Variants in TXNL4A observed in about 807,000 individuals in gnomAD.
TXNL4A encodes the protein thioredoxin-like protein 4A.
In TXNL4A, 17 loss-of-function variants were observed where a neutral mutation model predicts 14.6. That is an observed-to-expected ratio of 1.16 (90% CI 0.80 to 1.74). TXNL4A has a LOEUF of 1.74. Ranked by LOEUF, TXNL4A falls within the 40% of genes most tolerant of loss-of-function variation. The pLI is 0.00. For synonymous variants in TXNL4A, 83 were observed against 70.6 expected (o/e 1.18, Z -0.88); for missense variants, 74 against 195.2 (o/e 0.38, Z 3.70).
intron 1 of TXNL4A, among the ~76,000 whole-genome samples, chr18:80,008,282 G>T (rs1599745601): frequency 1.3e-5 from 2 of 152,190 alleles, no homozygotes; most frequent in Admixed American, 1.3e-4. Context: ...GTTATGGTCT[G>T]CTCTTTAAGT....
upstream of TXNL4A, among the ~76,000 whole-genome samples, chr18:79,989,988 T>A (rs978768309): frequency 6.6e-6 from 1 of 152,160 alleles, no homozygotes; most frequent in Non-Finnish European, 1.5e-5. Flanking sequence ...AGAGTGAGAC[T>A]CCATCTCAAA....
intron 1 of TXNL4A, among the ~76,000 whole-genome samples, chr18:80,022,179 T>C (rs1198516465): frequency 6.6e-6 from 1 of 152,168 alleles, no homozygotes; most frequent in Non-Finnish European, 1.5e-5. Flanking sequence ...AGTAGCACCA[T>C]TGGGCATTTC....
At chr18:80,002,244 C>T (rs896783507) in intron 1 of TXNL4A, among the ~76,000 whole-genome samples, 2 of 152,164 alleles carry the variant, frequency 1.3e-5, no homozygotes, top group African/African-American at 4.8e-5. Context: ...CAATCCTGAA[C>T]CAGCAAACAG....
chr18:79,975,897 C>G (rs558395063), intron 2 of TXNL4A, among the ~76,000 whole-genome samples: 3 of 152,272 alleles, frequency 2.0e-5, no homozygotes, highest in South Asian at 4.2e-4. Flanking sequence ...GGAATAAATT[C>G]TTTAGCCTCT....
chr18:79,988,261 G>A lies in TXNL4A; in HGVS notation c.132C>T (p.Val44=), dbSNP rs370118188. The A allele has an allele frequency of 1.0e-5, 16 of 1,599,702 alleles. No individual in the cohort carries two copies. In the African/African-American group the frequency reaches 1.7e-4, roughly 17 times the overall value. ...WDPTCMKMDE[V]LYSIAEKVKN... ...CTACCTTCTCGGCGATGCTGTACAG[G>A]ACCTCGTCCATCTTCATGCACGTAG... Residue 44 remains valine, a synonymous_variant, in exon 1 of 3, where the codon GTC becomes GTT. Transcript: ENST00000269601.
rs114167895 is a variant in TXNL4A at position 79,982,008 on chromosome 18, C to T, written c.154-4307G>A. Among the ~76,000 whole-genome samples the T allele has an allele frequency of 1.0e-3, 157 of 152,320 alleles. No homozygotes were observed. The highest frequency in any genetic ancestry group is 3.0e-3 in the African/African-American group (125 of 41,566). On this transcript the variant is annotated intron_variant, in intron 1 of 2. Transcript: ENST00000269601. This position sits in a 1 kb window ranked among gnomAD's most constrained non-coding sequence, Gnocchi z 4.0. ...AAAGGTCACGTGAGTGATGCCCAGC[C>T]GCACGGGGAAGGGGCAGAGCTGAGA...
At chr18:80,032,209 C>T (rs1363451303) in intron 1 of TXNL4A, among the ~76,000 whole-genome samples, 1 of 151,934 alleles carries the variant, frequency 6.6e-6, no homozygotes, top group East Asian at 1.9e-4. Flanking sequence ...TTCCTCGTGA[C>T]GGAGGACTTG....
At chr18:80,033,628 T>A (rs551966768) in intron 1 of TXNL4A, among the ~76,000 whole-genome samples, 193 of 152,370 alleles carry the variant, frequency 1.3e-3, no homozygotes, top group African/African-American at 4.4e-3. Context: ...GATGCCTTCG[T>A]TGCTTTGTGC....
At chr18:79,987,186 T>C (rs115620316) in intron 1 of TXNL4A, among the ~76,000 whole-genome samples, 290 of 152,350 alleles carry the variant, frequency 1.9e-3, no homozygotes, top group African/African-American at 6.8e-3. Context: ...CACAGATGCA[T>C]TCTAGTAAGC....
rs1681197187 is a variant in TXNL4A, at chr18:79,993,998, T to C, written c.-60-16297A>G. 6.6e-6 allele frequency among the ~76,000 whole-genome samples: 1 copy of C among 152,152 alleles called. No individual in the cohort carries two copies. Among genetic ancestry groups the C allele is most frequent in the South Asian group, 2.1e-4 (1 of 4,828 alleles). On this transcript the variant is annotated intron_variant, in intron 1 of 2. Coordinates refer to the TXNL4A transcript ENST00000585474. The surrounding 1 kb of genome is among the most constrained non-coding windows in gnomAD (Gnocchi z 4.4). ...AGCCAGGTCCCCAGGCAGCACACTT[T>C]GGGTCTCACACACATCCCAACTTGG...
At chr18:79,988,672 GGTGGAGCGGCGGCGACCTGGGCACC>G (rs1250399037), upstream of TXNL4A, 48 of 268,508 alleles carry the variant, frequency 1.8e-4, no homozygotes, top group East Asian at 4.5e-4. Context: ...TAGTTGGCCG[GGTGGAGCGGCGGCGACCTGGGCACC>G]GTGGAGCGCC....
intron 1 of TXNL4A, among the ~76,000 whole-genome samples, chr18:79,978,342 A>G (rs1223579800): frequency 6.6e-6 from 1 of 152,194 alleles, no homozygotes; most frequent in Non-Finnish European, 1.5e-5. Context: ...AGGTCTGAAC[A>G]CTTGCAAATA....
chr18:80,027,433 CA>C (rs1233010687), intron 1 of TXNL4A, among the ~76,000 whole-genome samples: 13 of 152,150 alleles, frequency 8.5e-5, no homozygotes, highest in Non-Finnish European at 8.8e-5. Context: ...CATATCCTAT[CA>C]GCTACACCCA....
At chr18:79,990,080 T>A (rs899576345), upstream of TXNL4A, among the ~76,000 whole-genome samples, 1 of 152,234 alleles carries the variant, frequency 6.6e-6, no homozygotes, top group Non-Finnish European at 1.5e-5. Flanking sequence ...CTGAAGAGCC[T>A]GCTGGCATGG....
In TXNL4A at chr18:79,972,644, T is replaced by C. The variant is rs1404901466; in HGVS notation, c.*1041A>G. On this transcript the variant is annotated 3_prime_UTR_variant, in exon 3 of 3. Coordinates refer to ENST00000269601, the MANE Select transcript of TXNL4A (RefSeq NM_006701.5). ...CATGCCCAGCTAATTTTTGTATTTTTAGTAGAGACGGGATTTCACCATGTT... is the reference window on the plus strand; with the variant it reads ...CATGCCCAGCTAATTTTTGTATTTTCAGTAGAGACGGGATTTCACCATGTT... 1 of 152,158 alleles carries C rather than the reference T, an allele frequency of 6.6e-6. No homozygotes were observed. The highest frequency in any genetic ancestry group is 6.6e-5 in the Admixed American group (1 of 15,264). The allele number at this position is 152,158 out of a possible 1,614,324, so 9.4% of individuals were successfully genotyped here.
chr18:80,021,916 T>C (rs779781956), intron 1 of TXNL4A, among the ~76,000 whole-genome samples: 5 of 152,250 alleles, frequency 3.3e-5, no homozygotes, highest in African/African-American at 9.6e-5. Context: ...TGGGTTAACA[T>C]TGGTTTTTAA....
At chr18:80,020,190 AT>A (rs1483627920) in intron 1 of TXNL4A, among the ~76,000 whole-genome samples, 1 of 151,776 alleles carries the variant, frequency 6.6e-6, no homozygotes, top group African/African-American at 2.4e-5. Context: ...TCCTCCTCCT[AT>A]TTCCTTGAGG....
chr18:79,991,599 A>G (rs2051628776), upstream of TXNL4A, among the ~76,000 whole-genome samples: 1 of 152,236 alleles, frequency 6.6e-6, no homozygotes, highest in African/African-American at 2.4e-5. Flanking sequence ...TAATGCTGCT[A>G]TGAACATTCA....
At chr18:79,980,209 T>C (rs547810459) in intron 1 of TXNL4A, among the ~76,000 whole-genome samples, 8 of 152,272 alleles carry the variant, frequency 5.3e-5, no homozygotes, top group Admixed American at 5.2e-4. Context: ...GCATGAGGAC[T>C]CTCCTTGGCA....
Sources: allele counts gnomAD v4.1 joint callset (sites outside exome capture counted in the v4.1 genomes callset), GRCh38; gene constraint gnomAD v4.1.1; non-coding constraint Gnocchi (gnomAD v3.1); transcripts MANE v1.5; gene names NCBI Gene and HGNC (gene_info 2026-07-23, HGNC 2026-07-21).